Variants in PDCD10 observed in about 807,000 individuals in gnomAD.
PDCD10 encodes the protein programmed cell death protein 10.
Under a neutral mutation model 29.2 loss-of-function variants are expected in PDCD10, and 4 were observed. The ratio of observed to expected loss-of-function variants is 0.14; its 90% CI spans 0.07 to 0.31. PDCD10 has a LOEUF of 0.31. Ranked by LOEUF, PDCD10 falls within the 10% of genes least tolerant of loss-of-function variation. The pLI is 1.00. For missense variants in PDCD10, 183 were observed against 257.9 expected, an observed-to-expected ratio of 0.71 and a Z score of 1.99; for synonymous variants, 70 against 82.2, an observed-to-expected ratio of 0.85 and a Z score of 0.80.
intron 7 of PDCD10, 36 bp from the exon 8 acceptor site, chr3:167,687,352 A>G (rs1719734574): frequency 1.7e-6 from 2 of 1,190,930 alleles, no homozygotes. Flanking sequence ...ATAAAGTACT[A>G]AATAAGAGAA....
chr3:167,702,761 T>A (rs1721576797), intron 4 of PDCD10, among the ~76,000 whole-genome samples: 1 of 152,200 alleles, frequency 6.6e-6, no homozygotes, highest in Non-Finnish European at 1.5e-5. Flanking sequence ...TTCATCTTTT[T>A]CAAAAGTTGT....
At chr3:167,693,984 G>A (rs1309014119) in intron 6 of PDCD10, among the ~76,000 whole-genome samples, 2 of 151,858 alleles carry the variant, frequency 1.3e-5, no homozygotes, top group Non-Finnish European at 2.9e-5. Flanking sequence ...GCAGGACTGC[G>A]ACTCCACTTT....
chr3:167,726,181 C>A (rs143695673), intron 2 of PDCD10, among the ~76,000 whole-genome samples: 1 of 127,296 alleles, frequency 7.9e-6, no homozygotes, highest in African/African-American at 3.0e-5. Flanking sequence ...GGTGCAGTGG[C>A]GTACCTCCAC....
At chr3:167,721,680 A>G (rs1304839296) in intron 2 of PDCD10, among the ~76,000 whole-genome samples, 3 of 152,232 alleles carry the variant, frequency 2.0e-5, no homozygotes, top group African/African-American at 7.2e-5. Context: ...GAAACTGTTT[A>G]GTCCCATTTC....
intron 4 of PDCD10, among the ~76,000 whole-genome samples, chr3:167,699,748 A>AG (rs1279643212): frequency 1.3e-5 from 2 of 152,184 alleles, no homozygotes; most frequent in Non-Finnish European, 1.5e-5. Flanking sequence ...ATAGAGGATA[A>AG]GGGGGAGAGG....
rs1356974731 is a variant in PDCD10, at chr3:167,701,888, G to A, written c.150+2954C>T. Among the ~76,000 whole-genome samples, 3 of 152,196 alleles carry A rather than the reference G, an allele frequency of 2.0e-5. No individual in the cohort carries two copies. The East Asian group carries it at 5.8e-4, about 29-fold the overall frequency. ...AGCCACGGAAATCATGAAAGAGATT[G>A]TAGATATGGTTAAAAAAAACGTAGA... On this transcript the variant is annotated intron_variant, in intron 4 of 8. Coordinates refer to ENST00000392750, the MANE Select transcript of PDCD10 (RefSeq NM_007217.4).
At chr3:167,695,821 G>T in intron 5 of PDCD10, 99 bp from the exon 6 acceptor site, 1 of 1,176,874 alleles carries the variant, frequency 8.5e-7, no homozygotes, top group Non-Finnish European at 1.3e-6. Flanking sequence ...GGTGAGGGAG[G>T]TGAAAGGCCA....
chr3:167,685,399 A>G (rs1402879873), intron 8 of PDCD10, among the ~76,000 whole-genome samples: 2 of 147,026 alleles, frequency 1.4e-5, no homozygotes, highest in Admixed American at 1.3e-4. Flanking sequence ...CTGTCTCCAA[A>G]AAAAAAAAAA....
At chr3:167,691,239 T>C (rs1302367078) in intron 6 of PDCD10, among the ~76,000 whole-genome samples, 3 of 152,214 alleles carry the variant, frequency 2.0e-5, no homozygotes, top group Non-Finnish European at 4.4e-5. Flanking sequence ...CTTTAGCCTA[T>C]CTATGCTATT....
chr3:167,722,084 A>G (rs982220083), intron 2 of PDCD10, among the ~76,000 whole-genome samples: 2 of 152,158 alleles, frequency 1.3e-5, no homozygotes, highest in Non-Finnish European at 2.9e-5. Context: ...GGGGAAAAGG[A>G]GGATGGCTAA....
intron 6 of PDCD10, among the ~76,000 whole-genome samples, chr3:167,689,183 T>C (rs1463514210): frequency 6.6e-6 from 1 of 152,220 alleles, no homozygotes; most frequent in Non-Finnish European, 1.5e-5. Flanking sequence ...ATTAGATAAC[T>C]ATTCCTTTCA....
chr3:167,699,485 G>A (rs999592203), intron 4 of PDCD10, among the ~76,000 whole-genome samples: 1 of 152,196 alleles, frequency 6.6e-6, no homozygotes, highest in Admixed American at 6.5e-5. Flanking sequence ...ACCTGGTTAA[G>A]CTAATTCTTA....
chr3:167,712,998 AT>A (rs1175601142), intron 3 of PDCD10, among the ~76,000 whole-genome samples: 4 of 152,100 alleles, frequency 2.6e-5, no homozygotes, highest in African/African-American at 7.2e-5. Context: ...GCAAAATACA[AT>A]AATAGCTGGA....
intron 2 of PDCD10, among the ~76,000 whole-genome samples, chr3:167,727,458 C>T (rs1368457985): frequency 6.6e-6 from 1 of 152,136 alleles, no homozygotes; most frequent in East Asian, 1.9e-4. Context: ...AATCTGTCCC[C>T]TTGAATATGT....
rs182930139 is a variant in PDCD10, at chr3:167,693,585, G to C, written c.395+2011C>G. Reference sequence around the variant, plus strand: ...AGAGTGCACACAATTCTGATAGGTAGAGCCAGGCTCAAGGAGTGGTTTGCC... The same window carrying C: ...AGAGTGCACACAATTCTGATAGGTACAGCCAGGCTCAAGGAGTGGTTTGCC... On this transcript the variant is annotated intron_variant, in intron 6 of 8. Coordinates refer to ENST00000392750, the MANE Select transcript of PDCD10 (RefSeq NM_007217.4). Among the ~76,000 whole-genome samples, 87 of 152,268 alleles carry C rather than the reference G, an allele frequency of 5.7e-4. 2 individuals carry two copies. The East Asian group carries it at 0.012, about 20-fold the overall frequency.
At chr3:167,697,248 C>T in intron 4 of PDCD10, 122 bp from the exon 5 acceptor site, 1 of 655,766 alleles carries the variant, frequency 1.5e-6, no homozygotes, top group Non-Finnish European at 2.8e-6. Context: ...GGGCAGAAAT[C>T]TTTGTAAAGC....
intron 2 of PDCD10, among the ~76,000 whole-genome samples, chr3:167,728,051 G>C (rs1169581448): frequency 6.6e-6 from 1 of 152,162 alleles, no homozygotes; most frequent in African/African-American, 2.4e-5. Context: ...GGCTAGGATA[G>C]TATCTGTTTT....
At chr3:167,722,857 C>A (rs531406089) in intron 2 of PDCD10, among the ~76,000 whole-genome samples, 1 of 152,220 alleles carries the variant, frequency 6.6e-6, no homozygotes, top group South Asian at 2.1e-4. Flanking sequence ...TAATTTTTAC[C>A]TTTTGTAAAT....
intron 5 of PDCD10, among the ~76,000 whole-genome samples, chr3:167,696,496 A>C (rs372727490): frequency 7.9e-4 from 121 of 152,286 alleles, no homozygotes; most frequent in Middle Eastern, 3.4e-3. Context: ...TATTTTTCTA[A>C]ATTAGTGGGA....
Sources: gnomAD v4.1 joint callset for allele counts (sites outside exome capture counted in the v4.1 genomes callset) on GRCh38, gnomAD v4.1.1 for gene constraint, MANE v1.5 for transcripts, NCBI Gene and HGNC (gene_info 2026-07-23, HGNC 2026-07-21) for gene names.